KIF21B: variants seen among roughly 807,000 people sequenced by gnomAD.
KIF21B encodes kinesin-like protein KIF21B.
A neutral mutation model predicts 192.9 loss-of-function variants in KIF21B; 85 were observed. The observed-to-expected ratio is 0.44, with a 90% CI of 0.37 to 0.53. The LOEUF (loss-of-function observed/expected upper bound fraction) is 0.53. Among genes scored for constraint, KIF21B ranks in the 20% least tolerant of loss-of-function variants. The pLI is 0.00. For synonymous variants in KIF21B, 832 were observed against 884.6 expected (o/e 0.94, Z 1.05); for missense variants, 1,716 against 2,194.8 (o/e 0.78, Z 4.36).
At position 200,979,687 on chromosome 1, in the gene KIF21B, A is replaced by G. The variant is rs2102382479; in HGVS notation, c.4008T>C (p.Val1336=). The G allele has an allele frequency of 4.5e-6, 7 of 1,550,632 alleles. No homozygotes were observed. The highest frequency in any genetic ancestry group is 5.2e-6 in the Non-Finnish European group (6 of 1,146,276). ...KDRSCKMWNL[V]TGQEIAALKG... is the part of the protein sequence containing the mutation. The stretch of plus-strand genomic sequence containing the variant: ...TTAGAGCTGCGATCTCCTGTCCCGT[A>G]ACCAAGTTCCACATCTTGCAGCTTC... The change falls in exon 30 of 35, where the codon GTT becomes GTC. Residue 1336 remains valine, a synonymous_variant. Transcript: ENST00000461742.
Position 200,977,280 on chromosome 1 carries a change from G to A in KIF21B, c.4257C>T (p.Ala1419=), listed in dbSNP as rs1160887863. Reference sequence around the variant, plus strand: ...ACAGCATGGTGCCCGAAGGGCTGAGGGCGATCTGGTTGATCTGATGCTCGC... The same window carrying A: ...ACAGCATGGTGCCCGAAGGGCTGAGAGCGATCTGGTTGATCTGATGCTCGC... ...AQGEHQINQI[A]LSPSGTMLYA... The change falls in exon 31 of 35, where the codon GCC becomes GCT. Residue 1419 remains alanine, a synonymous_variant. Transcript: ENST00000461742. 6.2e-7 allele frequency: 1 copy of A among 1,614,252 alleles called. No homozygotes were observed. The highest frequency in any genetic ancestry group is 1.1e-5 in the South Asian group (1 of 91,092).
chr1:201,009,043 C>T (rs1308142374), intron 2 of KIF21B, 92 bp from the exon 3 acceptor site: 6 of 1,418,834 alleles, frequency 4.2e-6, no homozygotes, highest in Non-Finnish European at 5.7e-6. Context: ...AGCTCATCTA[C>T]CTCCCAGCCC....
In KIF21B at chr1:201,002,212, G is replaced by C. The variant is rs773928737; in HGVS notation, c.1351C>G (p.Arg451Gly). The part of the protein sequence containing the change: ...MQEAIDAINN[R>G]VTQLMSQEAN... ...TCCTGGCTCATGAGCTGGGTGACGCGGTTGTTGATGGCATCGATGGCCTCC... is the reference window on the plus strand; with the variant it reads ...TCCTGGCTCATGAGCTGGGTGACGCCGTTGTTGATGGCATCGATGGCCTCC... The change falls in exon 9 of 35, where the codon CGC (arginine) becomes GGC (glycine). Residue 451 changes from arginine (R) to glycine (G), a missense_variant. Physicochemically the swap from Arg to Gly is moderately radical, Grantham distance 125. Around this residue, in one of 3 missense-constraint regions of KIF21B, gnomAD observed 1,087 missense variants for 1,316.6 expected, o/e 0.83. Transcript: ENST00000461742. The C allele has an allele frequency of 6.2e-7, 1 of 1,614,182 alleles. No individual in the cohort carries two copies. Among genetic ancestry groups the C allele is most frequent in the South Asian group, 1.1e-5 (1 of 91,088 alleles).
In KIF21B at chr1:201,000,008, T is replaced by C. The variant is rs1657373144; in HGVS notation, c.1686-44A>G. 5 of 1,564,398 alleles carry C rather than the reference T, an allele frequency of 3.2e-6. No homozygotes were observed. In the African/African-American group the frequency reaches 4.1e-5, roughly 13 times the overall value. ...GAAGCTGGATTAGGAAGGCTGCCCC[T>C]GCCCTGAGCACATGGGCAGGACGGC... On this transcript the variant is annotated intron_variant, in intron 11 of 34. Transcript: ENST00000461742. This position sits in a 1 kb window ranked among gnomAD's most constrained non-coding sequence, Gnocchi z 6.0.
At chr1:200,979,337 C>CTAGACAAATTCCATAATTA (rs1272480594) in intron 30 of KIF21B, among the ~76,000 whole-genome samples, 198 bp downstream of exon 30, 4 of 152,188 alleles carry the variant, frequency 2.6e-5, no homozygotes, top group Non-Finnish European at 5.9e-5. Context: ...TCTAGTGGTG[C>CTAGACAAATTCCATAATTA]TGCCCCAGAC....
At position 200,975,660 on chromosome 1, in the gene KIF21B, G is replaced by C. The variant is rs1176156309; in HGVS notation, c.4453C>G (p.Leu1485Val). Residue 1485 changes from leucine (L) to valine (V), a missense_variant, in exon 33 of 35, where the codon CTG (leucine) becomes GTG (valine). Leu to Val is a conservative substitution (Grantham distance 32). Around this residue, in one of 3 missense-constraint regions of KIF21B, gnomAD observed 580 missense variants for 775.5 expected, o/e 0.75. Transcript: ENST00000461742. This position sits in a 1 kb window ranked among gnomAD's most constrained non-coding sequence, Gnocchi z 4.3. ...SKDHYVKMFE[L>V]GECVTGTIGP... Reference sequence around the variant, plus strand: ...ATGGTGCCCGTCACACACTCGCCCAGCTCGAACATCTGTGGGAGGAGGGGC... The same window carrying C: ...ATGGTGCCCGTCACACACTCGCCCACCTCGAACATCTGTGGGAGGAGGGGC... 2 of 1,609,172 alleles carry C rather than the reference G, an allele frequency of 1.2e-6. No homozygotes were observed. The highest frequency in any genetic ancestry group is 1.7e-6 in the Non-Finnish European group (2 of 1,176,692).
chr1:201,012,124 C>T (rs1658266016), intron 1 of KIF21B, among the ~76,000 whole-genome samples: 1 of 152,174 alleles, frequency 6.6e-6, no homozygotes, highest in African/African-American at 2.4e-5. Flanking sequence ...ACCCTGGGGC[C>T]CTTTTTTGGC....
intron 28 of KIF21B, 31 bp downstream of exon 28, chr1:200,983,025 G>T (rs1200033397): frequency 6.5e-7 from 1 of 1,532,612 alleles, no homozygotes; most frequent in Non-Finnish European, 8.7e-7. Flanking sequence ...TGAGAGTGGG[G>T]AACCAAACAC....
intron 7 of KIF21B, 34 bp downstream of exon 7, chr1:201,004,306 C>T (rs1311774075): frequency 3.3e-6 from 5 of 1,514,300 alleles, no homozygotes; most frequent in East Asian, 2.4e-5. Flanking sequence ...CCCTGCCTCC[C>T]CTGTCCCTTC....
intron 1 of KIF21B, among the ~76,000 whole-genome samples, chr1:201,020,951 A>G (rs1035555648): frequency 1.3e-5 from 2 of 152,218 alleles, no homozygotes; most frequent in Admixed American, 6.5e-5. Flanking sequence ...GTTGGATTCA[A>G]GAAAGGACTT....
At chr1:200,989,582 C>T (rs964602509) in intron 21 of KIF21B, among the ~76,000 whole-genome samples, 1 of 152,224 alleles carries the variant, frequency 6.6e-6, no homozygotes, top group Admixed American at 6.5e-5. Flanking sequence ...AGTTCCCCTA[C>T]CCCCACATAC....
rs1054683591 is a variant in KIF21B at position 201,017,694 on chromosome 1, C to T, written c.41+5649G>A. 1.3e-5 allele frequency among the ~76,000 whole-genome samples: 2 copies of T among 152,224 alleles called. No individual in the cohort carries two copies. Among genetic ancestry groups the T allele is most frequent in the Non-Finnish European group, 2.9e-5 (2 of 68,024 alleles). ...CCTCTCCCCACCACACCGGCCCTGGCCCCCTGCCCACACTGCATGCAGGAC... is the reference window on the plus strand; with the variant it reads ...CCTCTCCCCACCACACCGGCCCTGGTCCCCTGCCCACACTGCATGCAGGAC... On this transcript the variant is annotated intron_variant, in intron 1 of 34. Coordinates refer to ENST00000461742, the MANE Select transcript of KIF21B (RefSeq NM_001252102.2). This position sits in a 1 kb window ranked among gnomAD's most constrained non-coding sequence, Gnocchi z 4.1.
At chr1:200,979,393 G>A in intron 30 of KIF21B, 142 bp downstream of exon 30, 1 of 558,804 alleles carries the variant, frequency 1.8e-6, no homozygotes, top group Non-Finnish European at 2.9e-6. Flanking sequence ...CCAGGGTCAA[G>A]CCAAGTTCAT....
chr1:201,015,336 C>G (rs970839683), intron 1 of KIF21B, among the ~76,000 whole-genome samples: 2 of 152,252 alleles, frequency 1.3e-5, no homozygotes, highest in African/African-American at 4.8e-5. Context: ...AAGAACCAGA[C>G]AGCTGGACTA....
In KIF21B at chr1:201,009,257, A is replaced by G; in HGVS notation, c.264+9T>C. On this transcript the variant is annotated intron_variant, in intron 2 of 34. Transcript: ENST00000461742. The stretch of plus-strand genomic sequence containing the variant: ...GGAGCCGCCATAGGTGGGCGTGAAG[A>G]TGGCTTACCTGCCCATAGGCCAGCA... 2 of 1,613,000 alleles carry G rather than the reference A, an allele frequency of 1.2e-6. No individual in the cohort carries two copies. Among genetic ancestry groups the G allele is most frequent in the Non-Finnish European group, 1.7e-6 (2 of 1,179,198 alleles).
chr1:200,992,427 G>A (rs1656765302), intron 15 of KIF21B, 38 bp from the exon 16 acceptor site: 4 of 1,601,604 alleles, frequency 2.5e-6, no homozygotes, highest in Non-Finnish European at 3.4e-6. Context: ...AGACAGGGCT[G>A]GGAGGCAGGT....
chr1:200,993,779 A>G lies in KIF21B; in HGVS notation c.2278-1390T>C, dbSNP rs74447751. On this transcript the variant is annotated intron_variant, in intron 15 of 34. Coordinates refer to ENST00000461742, the MANE Select transcript of KIF21B (RefSeq NM_001252102.2). ...ACAAAACAAAACAAAAAAAAAAAAAAAGAGAGAGAAAGAAAAACGAAATGG... is the reference window on the plus strand; with the variant it reads ...ACAAAACAAAACAAAAAAAAAAAAAGAGAGAGAGAAAGAAAAACGAAATGG... Among the ~76,000 whole-genome samples, 339 of 149,248 alleles carry G rather than the reference A, an allele frequency of 2.3e-3. 4 individuals are homozygous for G. The highest frequency in any genetic ancestry group is 7.3e-3 in the African/African-American group (293 of 40,396).
rs1404848299 is a variant in KIF21B at position 200,992,343 on chromosome 1, AGCC to A, written c.2321_2323del (p.Arg774del). The A allele has an allele frequency of 6.2e-7, 1 of 1,613,266 alleles. No individual in the cohort carries two copies. Among genetic ancestry groups the A allele is most frequent in the Non-Finnish European group, 8.5e-7 (1 of 1,180,020 alleles). On this transcript the variant is annotated inframe_deletion, in exon 16 of 35. Coordinates refer to ENST00000461742, the MANE Select transcript of KIF21B (RefSeq NM_001252102.2). ...CTCCCGGTTCCTCTTGGTCTCCACT[AGCC>A]GCCGCCGCTGTTGCTCCTCACGCAT... is the stretch of plus-strand genomic sequence containing the variant.
rs1420972187 is a variant in KIF21B at position 200,999,088 on chromosome 1, C to T, written c.1885+261G>A. Among the ~76,000 whole-genome samples, 2 of 152,190 alleles carry T rather than the reference C, an allele frequency of 1.3e-5. No individual in the cohort carries two copies. The highest frequency in any genetic ancestry group is 2.4e-5 in the African/African-American group (1 of 41,430). On this transcript the variant is annotated intron_variant, in intron 13 of 34. Coordinates refer to ENST00000461742, the MANE Select transcript of KIF21B (RefSeq NM_001252102.2). The surrounding 1 kb of genome is among the most constrained non-coding windows in gnomAD (Gnocchi z 4.7). ...TCTGTGGTGATATAGGGAAGCTCACCACCCCTATGCATACAGTTGCAGTGA... is the reference window on the plus strand; with the variant it reads ...TCTGTGGTGATATAGGGAAGCTCACTACCCCTATGCATACAGTTGCAGTGA...
Sources: gnomAD v4.1 joint callset for allele counts (sites outside exome capture counted in the v4.1 genomes callset) on GRCh38, gnomAD v4.1.1 for gene constraint, gnomAD v4.1.1 regional missense constraint, Gnocchi (gnomAD v3.1) non-coding constraint, MANE v1.5 for transcripts, NCBI Gene and HGNC (gene_info 2026-07-23, HGNC 2026-07-21) for gene names.